Variants in ZNF808 observed in about 807,000 individuals in gnomAD.
ZNF808 encodes zinc finger protein 808.
Under a neutral mutation model 8.7 loss-of-function variants are expected in ZNF808, and 5 were observed. The observed-to-expected ratio is 0.58, with a 90% confidence interval of 0.30 to 1.21. ZNF808 has a LOEUF of 1.21. ZNF808 is among the 50% of genes most tolerant of loss of function. The probability of loss-of-function intolerance (pLI) is 0.07; values close to 1 mark genes in which losing one functional copy is unlikely to be tolerated. For synonymous variants in ZNF808, 380 were observed against 366.0 expected (o/e 1.04, Z -0.44); for missense variants, 1,103 against 1,098.4 (o/e 1.00, Z -0.06).
chr19:52,554,053 T>C lies in ZNF808; in HGVS notation c.1137T>C (p.Ala379=). Residue 379 remains alanine, a synonymous_variant, in exon 5 of 5, where the codon GCT becomes GCC. Coordinates refer to ENST00000359798, the MANE Select transcript of ZNF808 (RefSeq NM_001039886.4). ...ACAAATGTAAGATTTGTGAGAAGGC[T>C]TTTGCGTGTCATTCCTATCTGGCAA... The part of the protein sequence containing the change: ...KPYKCKICEK[A]FACHSYLANH... 6.2e-7 allele frequency: 1 copy of C among 1,614,088 alleles called. No homozygotes were observed. Among genetic ancestry groups the C allele is most frequent in the Non-Finnish European group, 8.5e-7 (1 of 1,179,988 alleles).
downstream of ZNF808, among the ~76,000 whole-genome samples, chr19:52,557,742 G>A (rs2059842965): frequency 6.6e-6 from 1 of 152,156 alleles, no homozygotes; most frequent in Admixed American, 6.5e-5. Flanking sequence ...TCAGAATCTT[G>A]CAAAAGAAGT....
chr19:52,559,530 G>T (rs1465872562), downstream of ZNF808, among the ~76,000 whole-genome samples: 1 of 152,006 alleles, frequency 6.6e-6, no homozygotes, highest in African/African-American at 2.4e-5. Flanking sequence ...TCCTCTGTAT[G>T]CTGAGTGCTG....
chr19:52,541,870 C>A (rs1291610045), intron 2 of ZNF808, among the ~76,000 whole-genome samples: 1 of 152,126 alleles, frequency 6.6e-6, no homozygotes, highest in South Asian at 2.1e-4. Flanking sequence ...CAGGCATCCC[C>A]ACCTTCAGGT....
chr19:52,558,017 CTTTTT>C (rs66789100), downstream of ZNF808, among the ~76,000 whole-genome samples: 35 of 46,362 alleles, frequency 7.5e-4, no homozygotes, highest in Admixed American at 1.9e-3. Flanking sequence ...CTAGGTGTGG[CTTTTT>C]TTTTTTTTTT....
intron 4 of ZNF808, among the ~76,000 whole-genome samples, chr19:52,552,469 G>A (rs991498869): frequency 6.6e-6 from 1 of 150,924 alleles, no homozygotes; most frequent in Non-Finnish European, 1.5e-5. Flanking sequence ...CAGGAGTGCA[G>A]TGGTGTGATC....
intron 2 of ZNF808, among the ~76,000 whole-genome samples, chr19:52,538,496 C>T (rs12976905): frequency 0.3 from 43,501 of 143,706 alleles, 6,860 homozygotes; most frequent in East Asian, 0.5. Flanking sequence ...AGGCATGCGC[C>T]ACCATGCCCT....
Position 52,528,676 on chromosome 19 carries a change from G to C in ZNF808, c.-122+965G>C, listed in dbSNP as rs1347148242. 1.3e-5 allele frequency among the ~76,000 whole-genome samples: 2 copies of C among 152,078 alleles called. 1 individual carries two copies. The highest frequency in any genetic ancestry group is 4.1e-4 in the South Asian group (2 of 4,830). ...ATTTGGAGCCAGGGCAGACAGAGCA[G>C]AGTGGTGCTGGTGTCAAGGAGAACC... On this transcript the variant is annotated intron_variant, in intron 1 of 4. Transcript: ENST00000359798.
At chr19:52,561,043 A>G (rs10418186), downstream of ZNF808, among the ~76,000 whole-genome samples, 36,194 of 151,496 alleles carry the variant, frequency 0.24, 4,495 homozygotes, top group African/African-American at 0.27. Context: ...TGTGCAGGGC[A>G]TCATGACTCA....
chr19:52,567,271 C>G (rs944708976), downstream of ZNF808, among the ~76,000 whole-genome samples: 1 of 151,968 alleles, frequency 6.6e-6, no homozygotes, highest in Non-Finnish European at 1.5e-5. Context: ...TTTAAATCAA[C>G]AAAGTAATAA....
chr19:52,548,064 A>C (rs2059740818), intron 4 of ZNF808, among the ~76,000 whole-genome samples: 1 of 152,066 alleles, frequency 6.6e-6, no homozygotes, highest in African/African-American at 2.4e-5. Context: ...GGAGCATCAC[A>C]GAAGCGTCTC....
At chr19:52,532,589 A>G (rs1042207742) in intron 1 of ZNF808, among the ~76,000 whole-genome samples, 2 of 152,168 alleles carry the variant, frequency 1.3e-5, no homozygotes, top group African/African-American at 4.8e-5. Context: ...TTGATGTGAC[A>G]GTGATATGTT....
chr19:52,560,483 C>T (rs1002178608), downstream of ZNF808, among the ~76,000 whole-genome samples: 2 of 152,160 alleles, frequency 1.3e-5, no homozygotes, highest in Admixed American at 6.5e-5. Context: ...TTGCTGTACT[C>T]CTCGTAGACT....
chr19:52,563,751 A>G (rs1333274784), exon 4 of ZNF808: 1 of 157,910 alleles, frequency 6.3e-6, no homozygotes, highest in Non-Finnish European at 1.4e-5. Flanking sequence ...TTCGTGCTGC[A>G]GTGAAGAGAA....
downstream of ZNF808, among the ~76,000 whole-genome samples, chr19:52,565,437 A>G (rs2059870853): frequency 6.6e-6 from 1 of 152,182 alleles, no homozygotes. Flanking sequence ...AGCTACAAGG[A>G]CTAAACCAAA....
Position 52,556,178 on chromosome 19 carries a change from G to A in ZNF808, c.*550G>A. 3.0e-6 allele frequency: 1 copy of A among 334,000 alleles called. No homozygotes were observed. Among genetic ancestry groups the A allele is most frequent in the East Asian group, 8.6e-5 (1 of 11,602 alleles). The allele number at this position is 334,000 out of a possible 1,614,324, so 20.7% of individuals were successfully genotyped here. On this transcript the variant is annotated 3_prime_UTR_variant, in exon 5 of 5. Transcript: ENST00000359798. The stretch of plus-strand genomic sequence containing the variant: ...TCAAGTGTTTATGTTAAGAGGATGG[G>A]GCCAGGTGTGGTGGCTCAGGCCTGT...
chr19:52,539,460 A>G (rs1013266627), intron 2 of ZNF808, among the ~76,000 whole-genome samples: 44 of 150,118 alleles, frequency 2.9e-4, no homozygotes, highest in African/African-American at 1.1e-3. Flanking sequence ...AAGTGCTATG[A>G]TTACAGGCGT....
chr19:52,544,815 G>A lies in ZNF808; in HGVS notation c.63+1468G>A, dbSNP rs138598991. Among the ~76,000 whole-genome samples, 236 of 152,110 alleles carry A rather than the reference G, an allele frequency of 1.6e-3. 3 individuals are homozygous for A. In the East Asian group the frequency reaches 0.035, roughly 22 times the overall value. On this transcript the variant is annotated intron_variant, in intron 3 of 4. Coordinates refer to ENST00000359798, the MANE Select transcript of ZNF808 (RefSeq NM_001039886.4). ...CTGCACATTTTTGAGATGGAGTGTCGCTCTGTTGCCCATGTTGGATTGTAG... is the reference window on the plus strand; with the variant it reads ...CTGCACATTTTTGAGATGGAGTGTCACTCTGTTGCCCATGTTGGATTGTAG...
chr19:52,553,886 T>G lies in ZNF808; in HGVS notation c.970T>G (p.Phe324Val), dbSNP rs2059804179. Residue 324 changes from phenylalanine to valine, a missense_variant, in exon 5 of 5, where the codon TTT becomes GTT. By Grantham distance (50) the Phe-to-Val change is conservative (BLOSUM62 -1). Transcript: ENST00000359798. ...PYKCNECGKVFRQNSALVIHK... is the reference protein window; with the variant it reads ...PYKCNECGKVVRQNSALVIHK... ...CAAGTGTAATGAGTGTGGCAAGGTC[T>G]TTCGTCAAAATTCAGCCCTTGTAAT... The G allele has an allele frequency of 6.2e-7, 1 of 1,614,176 alleles. No individual in the cohort carries two copies.
At chr19:52,558,457 C>T (rs1385732333), downstream of ZNF808, among the ~76,000 whole-genome samples, 1 of 150,538 alleles carries the variant, frequency 6.6e-6, no homozygotes, top group Non-Finnish European at 1.5e-5. Context: ...CTGCAACTTC[C>T]ACCTCCCAGG....
Sources: gnomAD v4.1 joint callset for allele counts (sites outside exome capture counted in the v4.1 genomes callset) on GRCh38, gnomAD v4.1.1 for gene constraint, MANE v1.5 for transcripts, NCBI Gene and HGNC (gene_info 2026-07-23, HGNC 2026-07-21) for gene names.